Variants in TEX11 observed in about 807,000 individuals in gnomAD.
TEX11 encodes the protein testis-expressed protein 11.
A neutral mutation model predicts 84.4 loss-of-function variants in TEX11; 7 were observed. The observed-to-expected ratio is 0.08, with a 90% confidence interval of 0.05 to 0.16. TEX11 has a LOEUF of 0.16. Ranked by LOEUF, TEX11 falls within the 10% of genes least tolerant of loss-of-function variation. TEX11 has a pLI of 1.00. For synonymous variants in TEX11, 264 were observed against 222.8 expected (o/e 1.18, Z -1.64); for missense variants, 551 against 660.5 (o/e 0.83, Z 1.82).
intron 7 of TEX11, among the ~76,000 whole-genome samples, chrX:70,845,153 T>G (rs2091472062): frequency 9.0e-6 from 1 of 110,825 alleles, no homozygotes; most frequent in African/African-American, 3.3e-5. Flanking sequence ...CCTATTCACT[T>G]GGTTCATTTT....
At chrX:70,765,200 A>G (rs2090932299) in intron 9 of TEX11, among the ~76,000 whole-genome samples, 1 of 111,625 alleles carries the variant, frequency 9.0e-6, no homozygotes, top group African/African-American at 3.3e-5. Flanking sequence ...AGCCTGGCCA[A>G]CATGGTGAAA....
chrX:70,706,510 G>C (rs768033896), intron 13 of TEX11, among the ~76,000 whole-genome samples: 2 of 111,175 alleles, frequency 1.8e-5, no homozygotes, highest in Admixed American at 9.6e-5. Context: ...AGTCAAAACT[G>C]TATTAATTCT....
At chrX:70,725,712 G>A (rs953051456) in intron 11 of TEX11, among the ~76,000 whole-genome samples, 1 of 111,829 alleles carries the variant, frequency 8.9e-6, no homozygotes, top group Non-Finnish European at 1.9e-5. Context: ...AAACAATGGC[G>A]GAATAAAATA....
chrX:70,720,491 A>G (rs759764641), intron 13 of TEX11, among the ~76,000 whole-genome samples: 1 of 109,915 alleles, frequency 9.1e-6, no homozygotes, highest in South Asian at 4.0e-4. Context: ...CATGTTGTGC[A>G]CATGTACCCT....
At chrX:70,518,740 A>C in the TEX11 span, among the ~76,000 whole-genome samples, 1 of 111,259 alleles carries the variant, frequency 9.0e-6, no homozygotes, top group Admixed American at 9.6e-5. Flanking sequence ...TCCCATTATT[A>C]TTGTGTGGGA....
chrX:70,795,398 AG>A (rs1036505686), intron 9 of TEX11, among the ~76,000 whole-genome samples: 6 of 111,395 alleles, frequency 5.4e-5, no homozygotes, highest in African/African-American at 2.0e-4. Flanking sequence ...ACCAGGAGCC[AG>A]GGGGAACTTG....
chrX:70,517,365 A>T, the TEX11 span, among the ~76,000 whole-genome samples: 3 of 112,051 alleles, frequency 2.7e-5, no homozygotes, highest in Admixed American at 9.5e-5. Context: ...CCTTTTCTGC[A>T]TCTATTGAGA....
Position 70,592,759 on chromosome X carries a change from G to T in TEX11, c.2068-936C>A, listed in dbSNP as rs113564615. Among the ~76,000 whole-genome samples, 339 of 111,371 alleles carry T rather than the reference G, an allele frequency of 3.0e-3. 2 individuals carry two copies. The highest frequency in any genetic ancestry group is 4.4e-3 in the Non-Finnish European group (233 of 53,079). ...CCCCTAGCTCCAAAACAGTGGTTCA[G>T]TTTCTGCCCAGTAGGAGAGGCAGAT... On this transcript the variant is annotated intron_variant, in intron 24 of 29. Coordinates refer to ENST00000374333, the MANE Select transcript of TEX11 (RefSeq NM_031276.3).
chrX:70,515,072 C>A, the TEX11 span, among the ~76,000 whole-genome samples: 1 of 93,672 alleles, frequency 1.1e-5, no homozygotes, highest in African/African-American at 5.8e-5. Flanking sequence ...CGGTCACACA[C>A]ACACACACAC....
Position 70,539,038 on chromosome X carries a change from A to ATATATATATTT in TEX11, c.2521-9040_2521-9039insAAATATATATA. ...CTTGGAAATATATATATATATATATATTTTTTTTTTTTTTAAGATGGAGTC... is the reference window on the plus strand; with the variant it reads ...CTTGGAAATATATATATATATATATATATATATATTTTTTTTTTTTTTTTTAAGATGGAGTC... On this transcript the variant is annotated intron_variant, in intron 28 of 29. Coordinates refer to ENST00000374333, the MANE Select transcript of TEX11 (RefSeq NM_031276.3). 1.2e-3 allele frequency among the ~76,000 whole-genome samples: 50 copies of ATATATATATTT among 41,242 alleles called. 1 individual carries two copies. The highest frequency in any genetic ancestry group is 2.6e-3 in the South Asian group (1 of 390). The allele number at this position is 41,242 out of a possible 115,157, so 35.8% of individuals were successfully genotyped here.
At chrX:70,636,017 A>T (rs1489037802) in intron 17 of TEX11, among the ~76,000 whole-genome samples, 1 of 110,961 alleles carries the variant, frequency 9.0e-6, no homozygotes, top group Non-Finnish European at 1.9e-5. Flanking sequence ...GACCCTAGGG[A>T]TGGGCTGGCC....
chrX:70,619,865 G>C (rs2089363272), intron 20 of TEX11, among the ~76,000 whole-genome samples: 1 of 107,454 alleles, frequency 9.3e-6, no homozygotes, highest in African/African-American at 3.4e-5. Flanking sequence ...CCAGAGTGCA[G>C]TGGCACAATC....
At chrX:70,553,505 A>G (rs2088247182) in intron 26 of TEX11, 91 bp from the exon 27 acceptor site, 2 of 506,935 alleles carry the variant, frequency 3.9e-6, no homozygotes, top group Admixed American at 8.5e-5. Context: ...CTCTAATGAA[A>G]CTGGGCTGAA....
intron 13 of TEX11, among the ~76,000 whole-genome samples, chrX:70,713,099 A>T (rs1480543747): frequency 9.0e-6 from 1 of 111,610 alleles, no homozygotes; most frequent in African/African-American, 3.3e-5. Flanking sequence ...ACGTTTATTG[A>T]TTTGCATATG....
At chrX:70,685,554 TG>T (rs752220638) in intron 13 of TEX11, among the ~76,000 whole-genome samples, 2 of 112,217 alleles carry the variant, frequency 1.8e-5, no homozygotes, top group African/African-American at 6.5e-5. Context: ...AGGATTTTTT[TG>T]TATAGAACAC....
At chrX:70,514,926 G>A in the TEX11 span, among the ~76,000 whole-genome samples, 2 of 109,470 alleles carry the variant, frequency 1.8e-5, no homozygotes, top group African/African-American at 3.3e-5. Flanking sequence ...ATATTAGCTG[G>A]GCGTGGTGGG....
chrX:70,585,079 TAAAA>T (rs1024690871), intron 25 of TEX11, among the ~76,000 whole-genome samples: 11 of 111,352 alleles, frequency 9.9e-5, no homozygotes, highest in African/African-American at 3.6e-4. Context: ...GCATCCAAAG[TAAAA>T]AGAAAGAAGT....
At position 70,806,743 on chromosome X, in the gene TEX11, C is replaced by A; in HGVS notation, c.654G>T (p.Gln218His). 8.4e-7 allele frequency: 1 copy of A among 1,191,083 alleles called. No homozygotes were observed. Among genetic ancestry groups the A allele is most frequent in the Non-Finnish European group, 1.1e-6 (1 of 882,390 alleles). ...AACTTTCTTCATATTTATTATTCTT[C>A]TGGGTTTCTACTCCAAAGTTGTAAC... ...HLCYNFGVET[Q>H]KNNKYEESSF... Residue 218 changes from glutamine to histidine, a missense_variant, in exon 9 of 30, where the codon CAG becomes CAT. Coordinates refer to ENST00000374333, the MANE Select transcript of TEX11 (RefSeq NM_031276.3).
chrX:70,829,190 A>C (rs2091362580), intron 8 of TEX11, among the ~76,000 whole-genome samples: 1 of 111,874 alleles, frequency 8.9e-6, no homozygotes, highest in Non-Finnish European at 1.9e-5. Flanking sequence ...TAGTAAGCAC[A>C]AGGCTGGACA....
Sources: gnomAD v4.1 joint callset for allele counts (sites outside exome capture counted in the v4.1 genomes callset) on GRCh38, gnomAD v4.1.1 for gene constraint, MANE v1.5 for transcripts, NCBI Gene and HGNC (gene_info 2026-07-23, HGNC 2026-07-21) for gene names.